The following MOB3B variants were observed in gnomAD, a reference collection of about 807,000 sequenced individuals.
The protein encoded by MOB3B is MOB kinase activator 3B, also known as MOB kinase activator-like 2B.
In MOB3B, 7 loss-of-function variants were observed where a neutral mutation model predicts 18.7. The ratio of observed to expected loss-of-function variants is 0.37; its 90% CI spans 0.21 to 0.70. The LOEUF (loss-of-function observed/expected upper bound fraction) is 0.70. Among genes scored for constraint, MOB3B ranks in the 30% least tolerant of loss-of-function variants. MOB3B has a pLI of 0.52. For missense variants in MOB3B, 253 were observed against 281.3 expected, an observed-to-expected ratio of 0.90 and a Z score of 0.72; for synonymous variants, 111 against 99.9, an observed-to-expected ratio of 1.11 and a Z score of -0.66.
At chr9:27,421,973 A>G (rs1822259445) in intron 2 of MOB3B, among the ~76,000 whole-genome samples, 1 of 152,216 alleles carries the variant, frequency 6.6e-6, no homozygotes, top group Non-Finnish European at 1.5e-5. Flanking sequence ...CAATGCAGAT[A>G]TAAGTTCAAT....
intron 2 of MOB3B, among the ~76,000 whole-genome samples, chr9:27,401,962 G>A (rs1821887200): frequency 6.6e-6 from 1 of 152,146 alleles, no homozygotes; most frequent in African/African-American, 2.4e-5. Context: ...CGCATAATGT[G>A]CAGATATTTC....
At chr9:27,377,124 G>A (rs1821500713) in intron 2 of MOB3B, among the ~76,000 whole-genome samples, 1 of 152,166 alleles carries the variant, frequency 6.6e-6, no homozygotes, top group South Asian at 2.1e-4. Context: ...ATAATGAATG[G>A]TATTTTCCAA....
chr9:27,490,637 G>C (rs183426904), intron 1 of MOB3B, among the ~76,000 whole-genome samples: 65 of 152,236 alleles, frequency 4.3e-4, no homozygotes, highest in Middle Eastern at 6.8e-3. Context: ...CAGGAGCTGG[G>C]AGTAAGGAGT....
At chr9:27,417,232 C>T (rs1428995903) in intron 2 of MOB3B, among the ~76,000 whole-genome samples, 2 of 152,182 alleles carry the variant, frequency 1.3e-5, no homozygotes, top group East Asian at 1.9e-4. Context: ...GGCGTGGTGG[C>T]GGGCACCTGT....
intron 2 of MOB3B, among the ~76,000 whole-genome samples, chr9:27,408,724 C>T (rs1281890653): frequency 6.6e-6 from 1 of 152,136 alleles, no homozygotes; most frequent in Non-Finnish European, 1.5e-5. Flanking sequence ...GTTCTCCTCT[C>T]CCGCCTCTGG....
At chr9:27,384,236 A>C (rs1278469664) in intron 2 of MOB3B, among the ~76,000 whole-genome samples, 1 of 152,158 alleles carries the variant, frequency 6.6e-6, no homozygotes, top group Non-Finnish European at 1.5e-5. Context: ...TGCCTCTGGA[A>C]CAAGGACTGG....
chr9:27,522,072 C>T (rs1439797786), intron 1 of MOB3B, among the ~76,000 whole-genome samples: 1 of 151,454 alleles, frequency 6.6e-6, no homozygotes, highest in African/African-American at 2.4e-5. Flanking sequence ...GAAACCCTGT[C>T]TCTACTAAAA....
At chr9:27,409,036 A>G (rs980738722) in intron 2 of MOB3B, among the ~76,000 whole-genome samples, 1 of 152,220 alleles carries the variant, frequency 6.6e-6, no homozygotes, top group African/African-American at 2.4e-5. Context: ...GTGGTATTGC[A>G]TATAATCCTC....
intron 2 of MOB3B, among the ~76,000 whole-genome samples, chr9:27,412,493 G>A (rs1822085626): frequency 1.3e-5 from 2 of 152,156 alleles, no homozygotes; most frequent in Admixed American, 6.5e-5. Flanking sequence ...AGTACCAGGA[G>A]TCAATTCTCT....
At chr9:27,423,815 A>T (rs1822290496) in intron 2 of MOB3B, among the ~76,000 whole-genome samples, 1 of 152,276 alleles carries the variant, frequency 6.6e-6, no homozygotes, top group Admixed American at 6.5e-5. Flanking sequence ...CAGAGAAAGT[A>T]TCAATTATTT....
intron 1 of MOB3B, among the ~76,000 whole-genome samples, chr9:27,474,608 A>T (rs1415022663): frequency 6.6e-6 from 1 of 152,216 alleles, no homozygotes; most frequent in Non-Finnish European, 1.5e-5. Context: ...CAAGACACAT[A>T]GCTACTTCCT....
chr9:27,445,841 C>T (rs545209202), intron 2 of MOB3B, among the ~76,000 whole-genome samples: 3 of 152,090 alleles, frequency 2.0e-5, no homozygotes, highest in South Asian at 2.1e-4. Context: ...CTCCCATTGC[C>T]GGCGGATTGT....
chr9:27,528,950 G>T (rs145105552), intron 1 of MOB3B, among the ~76,000 whole-genome samples: 10 of 152,320 alleles, frequency 6.6e-5, no homozygotes, highest in African/African-American at 1.2e-4. Flanking sequence ...GATTCCAGAT[G>T]TTTGACAGTT....
chr9:27,337,480 C>A (rs951808903), intron 3 of MOB3B, among the ~76,000 whole-genome samples: 1 of 152,242 alleles, frequency 6.6e-6, no homozygotes, highest in African/African-American at 2.4e-5. Context: ...GGGTCCTCAG[C>A]TCCTGCCAGC....
intron 1 of MOB3B, among the ~76,000 whole-genome samples, chr9:27,512,646 G>A (rs1820164353): frequency 6.6e-6 from 1 of 152,202 alleles, no homozygotes; most frequent in Non-Finnish European, 1.5e-5. Context: ...TTTCATGGGT[G>A]TATAGTTTGT....
intron 2 of MOB3B, among the ~76,000 whole-genome samples, chr9:27,414,128 C>G (rs1822113309): frequency 6.6e-6 from 1 of 152,218 alleles, no homozygotes; most frequent in Non-Finnish European, 1.5e-5. Context: ...TCTCTGACGG[C>G]TGCTTCCCCA....
At chr9:27,404,655 G>T (rs76288629) in intron 2 of MOB3B, among the ~76,000 whole-genome samples, 5,042 of 152,050 alleles carry the variant, frequency 0.033, 265 homozygotes, top group African/African-American at 0.11. Flanking sequence ...ACTATGCCTG[G>T]CTAATTAAAC....
At chr9:27,446,517 C>T (rs542538803) in intron 2 of MOB3B, among the ~76,000 whole-genome samples, 126 of 152,290 alleles carry the variant, frequency 8.3e-4, no homozygotes, top group African/African-American at 3.0e-3. Flanking sequence ...GTTCCCCAAG[C>T]TATAGCAAAA....
chr9:27,515,427 G>A (rs766021021), intron 1 of MOB3B, among the ~76,000 whole-genome samples: 11 of 152,120 alleles, frequency 7.2e-5, no homozygotes, highest in East Asian at 3.8e-4. Flanking sequence ...GCTCTGTGAC[G>A]TTGGTTAAGT....
Sources: allele counts gnomAD v4.1 joint callset (sites outside exome capture counted in the v4.1 genomes callset), GRCh38; gene constraint gnomAD v4.1.1; transcripts MANE v1.5; gene names NCBI Gene and HGNC (gene_info 2026-07-23, HGNC 2026-07-21).